RAPGEF4: variants seen among roughly 807,000 people sequenced by gnomAD.
RAPGEF4 encodes the protein Rap guanine nucleotide exchange factor 4.
In RAPGEF4, 66 loss-of-function variants were observed where a neutral mutation model predicts 147.9. The ratio of observed to expected loss-of-function variants is 0.45; its 90% CI spans 0.37 to 0.55. RAPGEF4 has a LOEUF of 0.55. Among genes scored for constraint, RAPGEF4 ranks in the 20% least tolerant of loss-of-function variants. The probability of loss-of-function intolerance (pLI) is 0.00; values close to 1 mark genes in which losing one functional copy is unlikely to be tolerated. For missense variants in RAPGEF4, 1,071 were observed against 1,257.3 expected (o/e 0.85, Z 2.24); for synonymous variants, 419 against 442.7 (o/e 0.95, Z 0.67).
At chr2:173,000,746 C>CTTTTT (rs869055162) in intron 16 of RAPGEF4, among the ~76,000 whole-genome samples, 1 of 72,796 alleles carries the variant, frequency 1.4e-5, no homozygotes, top group Non-Finnish European at 3.3e-5. Flanking sequence ...TCTTTTCTTT[C>CTTTTT]TTTCTTTTTT....
At chr2:173,039,229 G>A (rs1416462723) in intron 29 of RAPGEF4, among the ~76,000 whole-genome samples, 3 of 151,998 alleles carry the variant, frequency 2.0e-5, no homozygotes, top group South Asian at 2.1e-4. Context: ...AGGCCGAGGC[G>A]GGTGGATCAC....
chr2:172,909,913 C>T (rs890943822), intron 4 of RAPGEF4, among the ~76,000 whole-genome samples: 3 of 152,150 alleles, frequency 2.0e-5, no homozygotes, highest in East Asian at 1.9e-4. Context: ...AATCCCTCTA[C>T]CTCAGGAGGA....
At position 172,852,595 on chromosome 2, in the gene RAPGEF4, A is replaced by G. The variant is rs112716140; in HGVS notation, c.444+38170A>G. Among the ~76,000 whole-genome samples, 214 of 152,156 alleles carry G rather than the reference A, an allele frequency of 1.4e-3. 2 individuals carry two copies. Among genetic ancestry groups the G allele is most frequent in the African/African-American group, 4.8e-3 (199 of 41,528 alleles). On this transcript the variant is annotated intron_variant, in intron 4 of 30. Coordinates refer to ENST00000397081, the MANE Select transcript of RAPGEF4 (RefSeq NM_007023.4). ...GTTATGTGCCAATAATGGGAATCTT[A>G]CTTCTTTCTTTCTAATCTTTATGCC...
chr2:172,738,837 G>A (rs1224560026), intron 1 of RAPGEF4, among the ~76,000 whole-genome samples: 2 of 152,082 alleles, frequency 1.3e-5, no homozygotes, highest in Non-Finnish European at 2.9e-5. Context: ...GAAACCCTGG[G>A]ACTGGAAATA....
chr2:173,051,515 G>C (rs1295002564), intron 30 of RAPGEF4, 125 bp from the exon 31 acceptor site: 27 of 880,316 alleles, frequency 3.1e-5, no homozygotes, highest in Non-Finnish European at 4.2e-5. Context: ...TGATTGTGGT[G>C]TGTTGAAAGG....
intron 11 of RAPGEF4, 30 bp from the exon 12 acceptor site, chr2:172,985,403 C>T (rs1427471908): frequency 6.2e-7 from 1 of 1,613,834 alleles, no homozygotes; most frequent in South Asian, 1.1e-5. Context: ...GAAATGTGGC[C>T]TTTGCATGTT....
intron 10 of RAPGEF4, among the ~76,000 whole-genome samples, chr2:172,976,533 CCA>C: frequency 6.6e-6 from 1 of 152,216 alleles, no homozygotes; most frequent in East Asian, 1.9e-4. Context: ...ATCCCCCACC[CCA>C]CACACACAAA....
intron 4 of RAPGEF4, among the ~76,000 whole-genome samples, chr2:172,876,115 A>G (rs1427101488): frequency 6.6e-6 from 1 of 152,132 alleles, no homozygotes; most frequent in Non-Finnish European, 1.5e-5. Context: ...GACTTTGCTG[A>G]AGTTGCTTAT....
At position 172,952,311 on chromosome 2, in the gene RAPGEF4, G is replaced by A. The variant is rs990439289; in HGVS notation, c.538-8449G>A. ...TTAACATTTGTTTTATTTCCAAAAA[G>A]CACTCAACACACTATTCCCAGGTTT... On this transcript the variant is annotated intron_variant, in intron 6 of 30. Coordinates refer to ENST00000397081, the MANE Select transcript of RAPGEF4 (RefSeq NM_007023.4). Among the ~76,000 whole-genome samples the A allele has an allele frequency of 2.6e-5, 4 of 152,264 alleles. No homozygotes were observed. In the East Asian group the frequency reaches 7.7e-4, roughly 29 times the overall value.
intron 3 of RAPGEF4, 35 bp downstream of exon 3, chr2:172,797,648 T>G (rs1185604339): frequency 1.0e-5 from 15 of 1,488,470 alleles, no homozygotes; most frequent in Non-Finnish European, 1.4e-5. Flanking sequence ...GTAGGATTTA[T>G]TTTTTTTAAA....
At chr2:173,027,010 A>T in intron 24 of RAPGEF4, 71 bp from the exon 25 acceptor site, 1 of 1,372,694 alleles carries the variant, frequency 7.3e-7, no homozygotes, top group Middle Eastern at 2.0e-4. Flanking sequence ...CACTGTCTTG[A>T]CAAATAGAGA....
chr2:172,769,245 G>A (rs1279404821), intron 1 of RAPGEF4, among the ~76,000 whole-genome samples: 1 of 152,098 alleles, frequency 6.6e-6, no homozygotes, highest in East Asian at 1.9e-4. Context: ...ATTTATTAGT[G>A]TGTATGCATG....
intron 14 of RAPGEF4, among the ~76,000 whole-genome samples, chr2:172,989,761 C>T (rs545704577): frequency 7.2e-5 from 11 of 152,254 alleles, no homozygotes; most frequent in African/African-American, 2.6e-4. Flanking sequence ...TCACACTGCC[C>T]CTCTTTCTTT....
intron 11 of RAPGEF4, among the ~76,000 whole-genome samples, 200 bp from the exon 12 acceptor site, chr2:172,985,233 A>G (rs1260114389): frequency 2.6e-5 from 4 of 152,222 alleles, no homozygotes; most frequent in Non-Finnish European, 4.4e-5. Context: ...GCTATTCTAT[A>G]AAAAGAGCTA....
At chr2:172,967,480 C>A in intron 10 of RAPGEF4, 36 bp downstream of exon 10, 1 of 1,590,786 alleles carries the variant, frequency 6.3e-7, no homozygotes, top group East Asian at 2.2e-5. Flanking sequence ...CTCCAGGTCC[C>A]AAGGCCGCCT....
chr2:172,944,174 C>T (rs1329000497), intron 6 of RAPGEF4, among the ~76,000 whole-genome samples: 5 of 152,130 alleles, frequency 3.3e-5, no homozygotes, highest in Admixed American at 2.6e-4. Context: ...TAAATGCACC[C>T]TTGGTAAATG....
intron 3 of RAPGEF4, among the ~76,000 whole-genome samples, chr2:172,802,114 G>C (rs1001457923): frequency 6.6e-6 from 1 of 152,166 alleles, no homozygotes; most frequent in Non-Finnish European, 1.5e-5. Flanking sequence ...AGAAAGGGAG[G>C]CTCCTGACTT....
intron 29 of RAPGEF4, among the ~76,000 whole-genome samples, chr2:173,045,351 G>C (rs1685329010): frequency 6.6e-6 from 1 of 152,156 alleles, no homozygotes; most frequent in Admixed American, 6.5e-5. Flanking sequence ...CTAGATCAAG[G>C]AAAGAAGAAA....
At chr2:172,785,140 A>C (rs541324759) in intron 1 of RAPGEF4, among the ~76,000 whole-genome samples, 16 of 152,352 alleles carry the variant, frequency 1.1e-4, no homozygotes, top group African/African-American at 3.6e-4. Context: ...GGAATTCTTA[A>C]TACCTGTTTT....
Sources: allele counts gnomAD v4.1 joint callset (sites outside exome capture counted in the v4.1 genomes callset), GRCh38; gene constraint gnomAD v4.1.1; transcripts MANE v1.5; gene names NCBI Gene and HGNC (gene_info 2026-07-23, HGNC 2026-07-21).